The following WWC2 variants were observed in gnomAD, a reference collection of about 807,000 sequenced individuals.
The protein encoded by WWC2 is WW and C2 domain containing 2, also known as protein WWC2.
In WWC2, 101 loss-of-function variants were observed where a neutral mutation model predicts 138.5. The observed-to-expected ratio is 0.73, with a 90% CI of 0.62 to 0.86. WWC2 has a LOEUF of 0.86. Ranked by LOEUF, WWC2 falls within the 40% of genes least tolerant of loss-of-function variation. The pLI is 0.00. For synonymous variants in WWC2, 558 were observed against 538.4 expected, an observed-to-expected ratio of 1.04 and a Z score of -0.50; for missense variants, 1,420 against 1,419.4, an observed-to-expected ratio of 1.00 and a Z score of -0.01.
At chr4:183,259,755 A>C (rs1388329696) in intron 10 of WWC2, 27 bp downstream of exon 10, 12 of 1,448,362 alleles carry the variant, frequency 8.3e-6, no homozygotes, top group Non-Finnish European at 1.1e-5. Flanking sequence ...TTTGAGGGGA[A>C]AGCTTTTCTC....
intron 1 of WWC2, among the ~76,000 whole-genome samples, chr4:183,171,090 T>G (rs1288659262): frequency 6.6e-6 from 1 of 152,200 alleles, no homozygotes; most frequent in African/African-American, 2.4e-5. Context: ...AGGCCTTCAT[T>G]TCTTCTTTGT....
chr4:183,226,831 A>G (rs1381874829), intron 4 of WWC2, among the ~76,000 whole-genome samples: 1 of 152,098 alleles, frequency 6.6e-6, no homozygotes, highest in Admixed American at 6.5e-5. Context: ...TGTGAATGTA[A>G]TATAAATGAA....
intron 1 of WWC2, among the ~76,000 whole-genome samples, chr4:183,139,068 T>C (rs1020457534): frequency 1.3e-5 from 2 of 152,194 alleles, no homozygotes; most frequent in Non-Finnish European, 2.9e-5. Flanking sequence ...CAGTAACATA[T>C]TACTGATTCT....
At chr4:183,124,481 C>G (rs1732697227) in intron 1 of WWC2, among the ~76,000 whole-genome samples, 1 of 146,886 alleles carries the variant, frequency 6.8e-6, no homozygotes, top group Admixed American at 6.7e-5. Context: ...TAATTCGGTA[C>G]TTTATGCTTT....
chr4:183,302,989 A>G (rs1329164172), intron 21 of WWC2, among the ~76,000 whole-genome samples: 3 of 146,856 alleles, frequency 2.0e-5, no homozygotes, highest in African/African-American at 7.6e-5. Context: ...GCTTGAGCCC[A>G]GGAGGTGGGG....
At position 183,212,594 on chromosome 4, in the gene WWC2, A is replaced by G. The variant is rs114727756; in HGVS notation, c.522+3569A>G. Reference sequence around the variant, plus strand: ...TCCCTCTGAAATTTTCACCCTTTTCATAGTTCTTATCCTTGCAAGACACAC... The same window carrying G: ...TCCCTCTGAAATTTTCACCCTTTTCGTAGTTCTTATCCTTGCAAGACACAC... On this transcript the variant is annotated intron_variant, in intron 4 of 22. Transcript: ENST00000403733. 1.2e-3 allele frequency among the ~76,000 whole-genome samples: 176 copies of G among 152,330 alleles called. 1 individual carries two copies. Among genetic ancestry groups the G allele is most frequent in the African/African-American group, 4.0e-3 (168 of 41,578 alleles).
chr4:183,163,493 C>T (rs1440921620), intron 1 of WWC2, among the ~76,000 whole-genome samples: 1 of 152,174 alleles, frequency 6.6e-6, no homozygotes, highest in African/African-American at 2.4e-5. Flanking sequence ...TTTAGGTAAG[C>T]TGTGAGGTTG....
At position 183,099,310 on chromosome 4, in the gene WWC2, C is replaced by G. The variant is rs1029230937; in HGVS notation, c.-182C>G. Reference sequence around the variant, plus strand: ...ATGGTGGACTGATCCGCAGCGGGGCCGCGAACAGCGTTTCCTGAGGCACCT... The same window carrying G: ...ATGGTGGACTGATCCGCAGCGGGGCGGCGAACAGCGTTTCCTGAGGCACCT... On this transcript the variant is annotated 5_prime_UTR_variant, in exon 1 of 23. Coordinates refer to ENST00000403733, the MANE Select transcript of WWC2 (RefSeq NM_024949.6). 2.2e-5 allele frequency: 10 copies of G among 450,772 alleles called. No homozygotes were observed. The highest frequency in any genetic ancestry group is 5.3e-5 in the Admixed American group (1 of 18,718). 27.9% of individuals were successfully genotyped at this position (450,772 alleles called of 1,614,324 possible).
At position 183,265,563 on chromosome 4, in the gene WWC2, C is replaced by T. The variant is rs1737474109; in HGVS notation, c.2040-125C>T. On this transcript the variant is annotated intron_variant, in intron 12 of 22. Transcript: ENST00000403733. Reference sequence around the variant, plus strand: ...AGTAAGCTTTCGCTGGGATCAGTTCCACTGGGAGGGCATAGGAGTGCTGTT... The same window carrying T: ...AGTAAGCTTTCGCTGGGATCAGTTCTACTGGGAGGGCATAGGAGTGCTGTT... 6 of 972,756 alleles carry T rather than the reference C, an allele frequency of 6.2e-6. No individual in the cohort carries two copies. The Admixed American group carries it at 6.2e-5, about 10-fold the overall frequency. 60.3% of individuals were successfully genotyped at this position (972,756 alleles called of 1,614,324 possible).
At chr4:183,168,182 T>TTTC (rs1734178342) in intron 1 of WWC2, among the ~76,000 whole-genome samples, 20 of 10,644 alleles carry the variant, frequency 1.9e-3, no homozygotes, top group Admixed American at 7.3e-3. Flanking sequence ...TTCTTTCTTT[T>TTTC]TTTTTTTTTT....
At position 183,261,537 on chromosome 4, in the gene WWC2, A is replaced by C; in HGVS notation, c.1909+5A>C. 1 of 1,607,212 alleles carries C rather than the reference A, an allele frequency of 6.2e-7. No individual in the cohort carries two copies. The highest frequency in any genetic ancestry group is 1.7e-4 in the Middle Eastern group (1 of 6,026). On this transcript the variant is annotated splice_donor_5th_base_variant and intron_variant, in intron 11 of 22. Transcript: ENST00000403733. ...CATTATATGAAGGAACTGCAGGTAA[A>C]TGCAGCCCTTTGCTTTCATGTATTC...
chr4:183,165,696 A>G (rs2111152514), intron 1 of WWC2, among the ~76,000 whole-genome samples: 1 of 152,332 alleles, frequency 6.6e-6, no homozygotes, highest in Admixed American at 6.5e-5. Context: ...TACTGTTACA[A>G]AGAATGTAGA....
intron 1 of WWC2, among the ~76,000 whole-genome samples, chr4:183,124,345 A>G (rs921115333): frequency 2.6e-5 from 4 of 151,018 alleles, no homozygotes; most frequent in Non-Finnish European, 5.9e-5. Flanking sequence ...TTATAGCTTT[A>G]TGTATTTGTG....
chr4:183,283,741 T>C (rs1248338885), intron 18 of WWC2, among the ~76,000 whole-genome samples: 1 of 152,258 alleles, frequency 6.6e-6, no homozygotes, highest in Non-Finnish European at 1.5e-5. Flanking sequence ...TATACATGTA[T>C]AATTGCATAT....
chr4:183,286,625 A>G (rs11930293), intron 20 of WWC2, among the ~76,000 whole-genome samples: 1 of 152,168 alleles, frequency 6.6e-6, no homozygotes, highest in African/African-American at 2.4e-5. Context: ...GGTCTGTTCA[A>G]GTAGTTCAGA....
chr4:183,164,228 A>G (rs1229572539), intron 1 of WWC2, among the ~76,000 whole-genome samples: 2 of 147,610 alleles, frequency 1.4e-5, no homozygotes, highest in Admixed American at 6.8e-5. Context: ...GACTTAACGT[A>G]GGTCAGTGTC....
At chr4:183,130,587 G>A (rs938610649) in intron 1 of WWC2, among the ~76,000 whole-genome samples, 8 of 152,176 alleles carry the variant, frequency 5.3e-5, no homozygotes, top group African/African-American at 9.7e-5. Flanking sequence ...AGAGGTAGAC[G>A]TGACTATTTC....
intron 21 of WWC2, among the ~76,000 whole-genome samples, chr4:183,307,506 A>G (rs1021446944): frequency 6.6e-6 from 1 of 152,246 alleles, no homozygotes; most frequent in Non-Finnish European, 1.5e-5. Flanking sequence ...CTACAGCCCT[A>G]TATCTCTTGT....
intron 8 of WWC2, among the ~76,000 whole-genome samples, chr4:183,251,254 C>T (rs753268284): frequency 6.6e-6 from 1 of 152,234 alleles, no homozygotes; most frequent in African/African-American, 2.4e-5. Flanking sequence ...TGTGGCCCGG[C>T]AATGTGCCAG....
Sources: allele counts gnomAD v4.1 joint callset (sites outside exome capture counted in the v4.1 genomes callset), GRCh38; gene constraint gnomAD v4.1.1; transcripts MANE v1.5; gene names NCBI Gene and HGNC (gene_info 2026-07-23, HGNC 2026-07-21).